Variants in PDCD6 observed in about 807,000 individuals in gnomAD.
PDCD6 encodes the protein programmed cell death protein 6.
PDCD6 carries 12 observed loss-of-function variants against 28.3 expected under a neutral mutation model. That is an observed-to-expected ratio of 0.42 (90% CI 0.27 to 0.69). PDCD6 has a LOEUF of 0.69. PDCD6 is among the 30% of genes least tolerant of loss of function. The pLI is 0.22. For missense variants in PDCD6, 226 were observed against 269.9 expected (o/e 0.84, Z 1.14); for synonymous variants, 92 against 108.0 (o/e 0.85, Z 0.92).
Position 307,940 on chromosome 5 carries a change from G to C in PDCD6, c.367+1180G>C, listed in dbSNP as rs1407062291. ...GCTGACCAGCTGCGAGCCAGGATTT[G>C]GGCTGGATGGCTCTGAATTGGTACT... On this transcript the variant is annotated intron_variant, in intron 4 of 5. Coordinates refer to ENST00000264933, the MANE Select transcript of PDCD6 (RefSeq NM_013232.4). The surrounding 1 kb of genome is among the most constrained non-coding windows in gnomAD (Gnocchi z 6.1). Among the ~76,000 whole-genome samples the C allele has an allele frequency of 2.0e-5, 3 of 152,170 alleles. No individual in the cohort carries two copies. Among genetic ancestry groups the C allele is most frequent in the Non-Finnish European group, 4.4e-5 (3 of 68,038 alleles).
At chr5:289,296 C>T (rs1426035121) in intron 2 of PDCD6, 1 of 532,428 alleles carries the variant, frequency 1.9e-6, no homozygotes, top group Non-Finnish European at 3.4e-6. Context: ...GGGAGAAAAG[C>T]CCAATGTCGG....
chr5:289,141 A>G, intron 2 of PDCD6: 4 of 1,118,340 alleles, frequency 3.6e-6, no homozygotes, highest in Non-Finnish European at 3.9e-6. Context: ...ATTTCTCTTG[A>G]TGTCATAAAA....
intron 4 of PDCD6, chr5:309,423 A>T (rs879599481): frequency 1.2e-5 from 2 of 160,060 alleles, no homozygotes; most frequent in Admixed American, 6.5e-5. Flanking sequence ...TCCCTTCACT[A>T]TTACTGATGA....
intron 2 of PDCD6, among the ~76,000 whole-genome samples, chr5:277,099 T>C (rs1276784186): frequency 2.0e-5 from 3 of 152,128 alleles, no homozygotes; most frequent in African/African-American, 7.2e-5. Context: ...CTTTAAAAAA[T>C]AATAATTCTT....
At chr5:300,414 C>T (rs1252378461) in intron 2 of PDCD6, among the ~76,000 whole-genome samples, 1 of 152,196 alleles carries the variant, frequency 6.6e-6, no homozygotes, top group Non-Finnish European at 1.5e-5. Flanking sequence ...CCCTGGCAGC[C>T]CTTTCCCTTG....
At chr5:286,045 A>AT in intron 2 of PDCD6, among the ~76,000 whole-genome samples, 1 of 104,650 alleles carries the variant, frequency 9.6e-6, no homozygotes, top group East Asian at 2.8e-4. Flanking sequence ...AGACCCGGGG[A>AT]GTGGGGGGAG....
rs1738062987 is a variant in PDCD6, at chr5:274,563, G to A, written c.163+1791G>A. On this transcript the variant is annotated intron_variant, in intron 2 of 5. Coordinates refer to ENST00000264933, the MANE Select transcript of PDCD6 (RefSeq NM_013232.4). ...CAGTAATTGTCAGCTGTGAGTATTA[G>A]TAGTAGCTAATACACTGGTACTATT... is the stretch of plus-strand genomic sequence containing the variant. 1.3e-5 allele frequency among the ~76,000 whole-genome samples: 2 copies of A among 152,250 alleles called. 1 individual carries two copies. The highest frequency in any genetic ancestry group is 2.9e-5 in the Non-Finnish European group (2 of 68,040).
rs1579545161 is a variant in PDCD6, at chr5:306,841, C to T, written c.367+81C>T. 7.9e-6 allele frequency: 11 copies of T among 1,390,372 alleles called. No homozygotes were observed. The East Asian group carries it at 2.3e-4, about 29-fold the overall frequency. 86.1% of individuals were successfully genotyped at this position (1,390,372 alleles called of 1,614,324 possible). On this transcript the variant is annotated intron_variant, in intron 4 of 5. Transcript: ENST00000264933. ...TTGAAGTTCTTTAAACCTTGTTGGACTTAACTGATTGTCTAACCAGGCTAC... is the reference window on the plus strand; with the variant it reads ...TTGAAGTTCTTTAAACCTTGTTGGATTTAACTGATTGTCTAACCAGGCTAC...
chr5:308,397 C>T (rs1007126579), intron 4 of PDCD6: 2 of 152,218 alleles, frequency 1.3e-5, no homozygotes, highest in Non-Finnish European at 2.9e-5. Context: ...CAGCCTTCCT[C>T]CCGCCCTGGA....
intron 2 of PDCD6, among the ~76,000 whole-genome samples, chr5:278,122 C>T (rs1255757879): frequency 3.9e-5 from 6 of 152,060 alleles, no homozygotes; most frequent in African/African-American, 7.2e-5. Context: ...CTGGCTCCTC[C>T]GGGGTTGGGT....
chr5:273,576 T>C (rs886693488), intron 2 of PDCD6, among the ~76,000 whole-genome samples: 16 of 152,268 alleles, frequency 1.1e-4, no homozygotes, highest in African/African-American at 3.4e-4. Flanking sequence ...TTTGAGATGT[T>C]GTGAAAATGT....
rs1740568008 is a variant in PDCD6 at position 307,244 on chromosome 5, CGTGTGTGT to C, written c.367+486_367+493del. Among the ~76,000 whole-genome samples the C allele has an allele frequency of 1.7e-5, 2 of 120,126 alleles. No individual in the cohort carries two copies. The highest frequency in any genetic ancestry group is 7.5e-5 in the Admixed American group (1 of 13,260). 78.8% of individuals were successfully genotyped at this position (120,126 alleles called of 152,430 possible). On this transcript the variant is annotated intron_variant, in intron 4 of 5. Coordinates refer to ENST00000264933, the MANE Select transcript of PDCD6 (RefSeq NM_013232.4). This position sits in a 1 kb window ranked among gnomAD's most constrained non-coding sequence, Gnocchi z 6.1. ...GTGTGCTCGGCGTGTGTGTGCTCGG[CGTGTGTGT>C]GCTCGGCGTGTGTGTGCACACGTGT...
At chr5:275,996 C>T (rs1738172033) in intron 2 of PDCD6, 10 of 1,286,496 alleles carry the variant, frequency 7.8e-6, no homozygotes, top group Non-Finnish European at 1.0e-5. Flanking sequence ...GCTTCTTCTG[C>T]CTTTCATCTC....
At position 307,841 on chromosome 5, in the gene PDCD6, TTTTC is replaced by T. The variant is rs1247153824; in HGVS notation, c.367+1087_367+1090del. Among the ~76,000 whole-genome samples, 8 of 152,120 alleles carry T rather than the reference TTTTC, an allele frequency of 5.3e-5. No individual in the cohort carries two copies. Among genetic ancestry groups the T allele is most frequent in the Non-Finnish European group, 1.0e-4 (7 of 68,032 alleles). On this transcript the variant is annotated intron_variant, in intron 4 of 5. Transcript: ENST00000264933. The surrounding 1 kb of genome is among the most constrained non-coding windows in gnomAD (Gnocchi z 6.1). Reference sequence around the variant, plus strand: ...CACTTTGTGGCTGCCTTTCTTTCTCTTTTCTTTCTCACCTTACGAGCTTGTCCAC... The same window carrying T: ...CACTTTGTGGCTGCCTTTCTTTCTCTTTTCTCACCTTACGAGCTTGTCCAC...
intron 2 of PDCD6, among the ~76,000 whole-genome samples, chr5:287,627 A>AAAAT (rs1302228952): frequency 2.6e-5 from 4 of 152,238 alleles, no homozygotes; most frequent in Non-Finnish European, 4.4e-5. Flanking sequence ...TTAGTCAAAT[A>AAAAT]AAATATAAAT....
rs1737822080 is a variant in PDCD6 at position 271,833 on chromosome 5, C to A, written c.101+12C>A. Reference sequence around the variant, plus strand: ...AACGTTTTCCAGAGGTGCGGCCTGGCACCGCCCGGGCACCTCCCGCCTCCG... The same window carrying A: ...AACGTTTTCCAGAGGTGCGGCCTGGAACCGCCCGGGCACCTCCCGCCTCCG... On this transcript the variant is annotated intron_variant, in intron 1 of 5. Transcript: ENST00000264933. The A allele has an allele frequency of 4.3e-6, 6 of 1,379,440 alleles. No homozygotes were observed. Among genetic ancestry groups the A allele is most frequent in the South Asian group, 1.6e-5 (1 of 62,796 alleles). The allele number at this position is 1,379,440 out of a possible 1,614,324, so 85.5% of individuals were successfully genotyped here.
At chr5:299,702 G>A (rs530854239) in intron 2 of PDCD6, among the ~76,000 whole-genome samples, 151 of 152,004 alleles carry the variant, frequency 9.9e-4, no homozygotes, top group Middle Eastern at 3.4e-3. Context: ...GGCACACGCC[G>A]CCATGCCTGG....
intron 2 of PDCD6, among the ~76,000 whole-genome samples, chr5:284,301 TGAG>T (rs1384504827): frequency 6.6e-6 from 1 of 150,516 alleles, no homozygotes; most frequent in Non-Finnish European, 1.5e-5. Flanking sequence ...ACTGAAGACT[TGAG>T]GAGGAGCTGA....
At chr5:274,167 C>T (rs944710123) in intron 2 of PDCD6, among the ~76,000 whole-genome samples, 4 of 152,232 alleles carry the variant, frequency 2.6e-5, no homozygotes, top group Admixed American at 2.0e-4. Context: ...CAGGGTGATA[C>T]AAGCCACACG....
Sources: gnomAD v4.1 joint callset for allele counts (sites outside exome capture counted in the v4.1 genomes callset) on GRCh38, gnomAD v4.1.1 for gene constraint, Gnocchi (gnomAD v3.1) non-coding constraint, MANE v1.5 for transcripts, NCBI Gene and HGNC (gene_info 2026-07-23, HGNC 2026-07-21) for gene names.